The following PHKB variants were observed in gnomAD, a reference collection of about 807,000 sequenced individuals.
The protein encoded by PHKB is phosphorylase kinase regulatory subunit beta, also known as phosphorylase b kinase regulatory subunit beta.
A neutral mutation model predicts 152.1 loss-of-function variants in PHKB; 122 were observed. That is an observed-to-expected ratio of 0.80 (90% CI 0.69 to 0.93). The LOEUF (loss-of-function observed/expected upper bound fraction) is 0.93. Ranked by LOEUF, PHKB falls within the 40% of genes least tolerant of loss-of-function variation. The probability of loss-of-function intolerance (pLI) is 0.00; values close to 1 mark genes in which losing one functional copy is unlikely to be tolerated. For missense variants in PHKB, 1,304 were observed against 1,328.4 expected, an observed-to-expected ratio of 0.98 and a Z score of 0.29; for synonymous variants, 436 against 464.9, an observed-to-expected ratio of 0.94 and a Z score of 0.80.
chr16:47,610,873 G>C lies in PHKB; in HGVS notation c.1411G>C (p.Val471Leu). 6.2e-7 allele frequency: 1 copy of C among 1,609,110 alleles called. No individual in the cohort carries two copies. Among genetic ancestry groups the C allele is most frequent in the Non-Finnish European group, 8.5e-7 (1 of 1,175,512 alleles). The change falls in exon 14 of 31, where the codon GTC becomes CTC. Residue 471 changes from valine to leucine, a missense_variant. Coordinates refer to ENST00000323584, the MANE Select transcript of PHKB (RefSeq NM_000293.3). Reference protein sequence around the residue: ...PKDIDPVQRYVPLKDQRNVSM... With the variant: ...PKDIDPVQRYLPLKDQRNVSM... Reference sequence around the variant, plus strand: ...AGACATTGATCCTGTCCAGCGCTATGTCCCACTAAAGGATCAACGTAACGT... The same window carrying C: ...AGACATTGATCCTGTCCAGCGCTATCTCCCACTAAAGGATCAACGTAACGT...
At chr16:47,654,808 G>A (rs1310003128) in intron 20 of PHKB, among the ~76,000 whole-genome samples, 1 of 148,050 alleles carries the variant, frequency 6.8e-6, no homozygotes. Flanking sequence ...GTTGTGTGGT[G>A]GGGGGAGGGG....
chr16:47,688,104 G>A (rs1259855334), intron 26 of PHKB, among the ~76,000 whole-genome samples: 2 of 152,224 alleles, frequency 1.3e-5, no homozygotes, highest in Non-Finnish European at 1.5e-5. Context: ...AAGGCGTGGG[G>A]GAGAAAGGCA....
intron 13 of PHKB, among the ~76,000 whole-genome samples, chr16:47,610,025 C>G (rs926697737): frequency 6.6e-6 from 1 of 151,784 alleles, no homozygotes; most frequent in Non-Finnish European, 1.5e-5. Flanking sequence ...TGGAGTCTCT[C>G]TCTGTTGCCC....
At chr16:47,468,414 G>C (rs1969706622) in intron 1 of PHKB, among the ~76,000 whole-genome samples, 1 of 152,248 alleles carries the variant, frequency 6.6e-6, no homozygotes, top group Non-Finnish European at 1.5e-5. Context: ...CACTGTGGGA[G>C]GCCAAGGTGG....
intron 7 of PHKB, among the ~76,000 whole-genome samples, chr16:47,549,551 C>CTGG (rs1364881372): frequency 6.6e-6 from 1 of 152,028 alleles, no homozygotes; most frequent in Non-Finnish European, 1.5e-5. Flanking sequence ...AAAAATTAGC[C>CTGG]TGGCATGGTG....
intron 26 of PHKB, among the ~76,000 whole-genome samples, chr16:47,681,076 G>A (rs539565554): frequency 1.4e-4 from 22 of 152,236 alleles, no homozygotes; most frequent in African/African-American, 4.1e-4. Context: ...GTAGTTGAGC[G>A]GGTTTGAGTG....
At chr16:47,475,565 G>C (rs1969854171) in intron 1 of PHKB, among the ~76,000 whole-genome samples, 1 of 152,146 alleles carries the variant, frequency 6.6e-6, no homozygotes, top group Non-Finnish European at 1.5e-5. Context: ...TTTGTAGTGA[G>C]AAACCCAGAT....
chr16:47,565,670 T>G (rs1408564341), intron 7 of PHKB: 1 of 1,284,684 alleles, frequency 7.8e-7, no homozygotes, highest in African/African-American at 1.5e-5. Context: ...ACCATCCCTG[T>G]TCCTGAGTTT....
rs138320951 is a variant in PHKB at position 47,472,699 on chromosome 16, G to A, written c.76+11273G>A. 6.7e-3 allele frequency among the ~76,000 whole-genome samples: 1,027 copies of A among 152,200 alleles called. 12 individuals carry two copies. The highest frequency in any genetic ancestry group is 0.023 in the African/African-American group (958 of 41,540). ...TCGGGAGGCCGGGCAGGAGAATGGCGTGAACCCAGGAGGCGGAGCTTGCAG... is the reference window on the plus strand; with the variant it reads ...TCGGGAGGCCGGGCAGGAGAATGGCATGAACCCAGGAGGCGGAGCTTGCAG... On this transcript the variant is annotated intron_variant, in intron 1 of 30. Transcript: ENST00000323584.
At chr16:47,687,888 C>T (rs566346137) in intron 26 of PHKB, among the ~76,000 whole-genome samples, 28 of 152,234 alleles carry the variant, frequency 1.8e-4, no homozygotes, top group South Asian at 1.0e-3. Flanking sequence ...GGTTGACACC[C>T]GGTAAGGCTT....
rs1370702826 is a variant in PHKB, at chr16:47,641,690, AAAGT to A, written c.1608+3_1608+6del. The A allele has an allele frequency of 6.5e-7, 1 of 1,540,210 alleles. No individual in the cohort carries two copies. The highest frequency in any genetic ancestry group is 1.7e-5 in the Admixed American group (1 of 59,918). On this transcript the variant is annotated splice_donor_variant and coding_sequence_variant, in exon 16 of 31. Transcript: ENST00000323584. LOFTEE classifies it high-confidence loss of function. ...GATATGGCCTCAGCAGGAGCTTGTG[AAAGT>A]AAGTGATTCTGCCTTTTACTTTCCT...
chr16:47,650,625 A>C lies in PHKB; in HGVS notation c.1879A>C (p.Arg627=), dbSNP rs1973220084. ...TGTTCTCATCCGGGAAGACAATATA[A>C]GGTAGGTTGATAAAAGAAGTAAGGT... is the stretch of plus-strand genomic sequence containing the variant. ...FLVLIREDNI[R]GSRFNPILDM... is the part of the protein sequence containing the mutation. Residue 627 remains arginine, a splice_region_variant and synonymous_variant, in exon 19 of 31, where the codon AGA becomes CGA. Coordinates refer to ENST00000323584, the MANE Select transcript of PHKB (RefSeq NM_000293.3). The C allele has an allele frequency of 6.3e-7, 1 of 1,595,778 alleles. No individual in the cohort carries two copies. Among genetic ancestry groups the C allele is most frequent in the African/African-American group, 1.3e-5 (1 of 74,566 alleles).
At chr16:47,630,014 G>A (rs2151720117) in intron 14 of PHKB, among the ~76,000 whole-genome samples, 1 of 151,710 alleles carries the variant, frequency 6.6e-6, no homozygotes, top group South Asian at 2.1e-4. Context: ...TCACACTCTG[G>A]GGACTGTTGT....
intron 13 of PHKB, chr16:47,597,766 G>A (rs1972148933): frequency 6.8e-6 from 1 of 146,998 alleles, no homozygotes; most frequent in Non-Finnish European, 1.5e-5. Flanking sequence ...CCGTATGCCA[G>A]ATATAAATTT....
At chr16:47,677,073 T>C (rs997619534) in intron 26 of PHKB, among the ~76,000 whole-genome samples, 1 of 152,210 alleles carries the variant, frequency 6.6e-6, no homozygotes, top group Non-Finnish European at 1.5e-5. Flanking sequence ...TAGCAGACTA[T>C]AACATTGCTT....
At chr16:47,641,121 T>A in intron 15 of PHKB, 31 bp downstream of exon 15, 2 of 1,579,848 alleles carry the variant, frequency 1.3e-6, no homozygotes, top group Non-Finnish European at 1.7e-6. Flanking sequence ...GTGTGTTTTT[T>A]TGTGGGGAGG....
intron 7 of PHKB, among the ~76,000 whole-genome samples, chr16:47,549,216 A>G (rs1971228221): frequency 6.6e-6 from 1 of 152,218 alleles, no homozygotes; most frequent in South Asian, 2.1e-4. Context: ...AACATTCCAG[A>G]TTATCACTCA....
chr16:47,690,914 T>C (rs1201281920), intron 27 of PHKB, among the ~76,000 whole-genome samples: 4 of 152,140 alleles, frequency 2.6e-5, no homozygotes, highest in East Asian at 1.9e-4. Context: ...TCCCCTGATA[T>C]GATGCATTGA....
At chr16:47,556,014 G>A (rs12920714) in intron 7 of PHKB, among the ~76,000 whole-genome samples, 1 of 152,136 alleles carries the variant, frequency 6.6e-6, no homozygotes, top group Non-Finnish European at 1.5e-5. Flanking sequence ...TGGATTCCTA[G>A]GTATTTTATT....
Sources: gnomAD v4.1 joint callset for allele counts (sites outside exome capture counted in the v4.1 genomes callset) on GRCh38, gnomAD v4.1.1 for gene constraint, MANE v1.5 for transcripts, NCBI Gene and HGNC (gene_info 2026-07-23, HGNC 2026-07-21) for gene names.